CNKSR2: variants seen among roughly 807,000 people sequenced by gnomAD.
CNKSR2 encodes connector enhancer of kinase suppressor of Ras 2, also known as CNK homolog protein 2.
A neutral mutation model predicts 84.4 loss-of-function variants in CNKSR2; 14 were observed. That is an observed-to-expected ratio of 0.17 (90% CI 0.11 to 0.26). The LOEUF is 0.26. Ranked by LOEUF, CNKSR2 falls within the 10% of genes least tolerant of loss-of-function variation. The pLI is 1.00. For missense variants in CNKSR2, 485 were observed against 771.2 expected (o/e 0.63, Z 4.40); for synonymous variants, 275 against 277.9 (o/e 0.99, Z 0.10).
At position 21,654,287 on chromosome X, in the gene CNKSR2, A is replaced by AAAC. The variant is rs1555967969; in HGVS notation, c.*1768_*1769insCAA. 3.8e-5 allele frequency: 4 copies of AAAC among 106,418 alleles called. No homozygotes were observed. Among genetic ancestry groups the AAAC allele is most frequent in the African/African-American group, 1.4e-4 (4 of 29,192 alleles). The allele number at this position is 106,418 out of a possible 1,213,427, so 8.8% of individuals were successfully genotyped here. A position where few individuals can be genotyped will look rare whatever the true frequency, so the allele number is the denominator to read the frequency against. ...TTTGTATATGTAAAAAAAAAAAAAA[A>AAAC]AAAAAAACAAAAAACCTCTTGTCCT... On this transcript the variant is annotated 3_prime_UTR_variant, in exon 22 of 22. Coordinates refer to ENST00000379510, the MANE Select transcript of CNKSR2 (RefSeq NM_014927.5).
intron 8 of CNKSR2, chrX:21,505,366 A>G (rs1465067637): frequency 9.0e-6 from 1 of 111,533 alleles, no homozygotes; most frequent in Non-Finnish European, 1.9e-5. Flanking sequence ...TGAGGCTATA[A>G]AGGATACTGG....
At chrX:21,526,797 TG>T (rs2091839477) in intron 9 of CNKSR2, 69 bp from the exon 10 acceptor site, 5 of 768,410 alleles carry the variant, frequency 6.5e-6, no homozygotes, top group Non-Finnish European at 7.7e-6. Flanking sequence ...TTGTTGTTGT[TG>T]TTGTTGTTGT....
At position 21,407,558 on chromosome X, in the gene CNKSR2, GT is replaced by G. The variant is rs202224046; in HGVS notation, c.65-18934del. ...TCCTATTCAAGCAGAAATTTTGGTT[GT>G]TTTTCCCTCCTTCTTGGCAAGATTT... is the stretch of plus-strand genomic sequence containing the variant. On this transcript the variant is annotated intron_variant, in intron 1 of 21. Transcript: ENST00000379510. Among the ~76,000 whole-genome samples, 1,046 of 111,088 alleles carry G rather than the reference GT, an allele frequency of 9.4e-3. 11 individuals are homozygous for G. Among genetic ancestry groups the G allele is most frequent in the African/African-American group, 0.031 (962 of 30,685 alleles).
intron 1 of CNKSR2, among the ~76,000 whole-genome samples, chrX:21,394,030 C>T (rs1249982709): frequency 8.9e-6 from 1 of 112,037 alleles, no homozygotes; most frequent in East Asian, 2.8e-4. Flanking sequence ...AGGTTGTGGT[C>T]CATTCCACAT....
At chrX:21,477,703 A>C (rs886212278) in intron 5 of CNKSR2, among the ~76,000 whole-genome samples, 1 of 111,814 alleles carries the variant, frequency 8.9e-6, no homozygotes, top group African/African-American at 3.3e-5. Context: ...TGACATCTAC[A>C]TCATATCATT....
chrX:21,551,775 C>T (rs909634972), intron 11 of CNKSR2, among the ~76,000 whole-genome samples: 3 of 111,866 alleles, frequency 2.7e-5, no homozygotes, highest in African/African-American at 9.8e-5. Context: ...CTGAGAAACC[C>T]TGGCTAACTT....
intron 8 of CNKSR2, among the ~76,000 whole-genome samples, chrX:21,515,967 G>T (rs887832741): frequency 1.8e-5 from 2 of 111,524 alleles, no homozygotes; most frequent in East Asian, 5.7e-4. Flanking sequence ...TTGTCCATGC[G>T]TAAGAATGTT....
intron 11 of CNKSR2, among the ~76,000 whole-genome samples, chrX:21,559,579 C>T (rs1321132032): frequency 1.8e-5 from 2 of 111,075 alleles, no homozygotes; most frequent in Non-Finnish European, 3.8e-5. Flanking sequence ...GCATGTGCTC[C>T]CTGCAGGGGA....
chrX:21,508,490 G>A (rs866363882), intron 8 of CNKSR2, among the ~76,000 whole-genome samples: 1 of 112,212 alleles, frequency 8.9e-6, no homozygotes, highest in South Asian at 3.7e-4. Context: ...AAAGCTTTCA[G>A]ACCCATTCAG....
intron 11 of CNKSR2, among the ~76,000 whole-genome samples, chrX:21,548,869 C>T (rs1021875163): frequency 2.7e-5 from 3 of 112,192 alleles, no homozygotes; most frequent in Non-Finnish European, 5.6e-5. Context: ...TAAAATTCAG[C>T]ACCCCTTCAT....
chrX:21,540,609 T>C (rs1183257461), intron 11 of CNKSR2, among the ~76,000 whole-genome samples: 1 of 112,190 alleles, frequency 8.9e-6, no homozygotes, highest in African/African-American at 3.2e-5. Context: ...TTAGCACTTG[T>C]GTGATACCTT....
intron 3 of CNKSR2, among the ~76,000 whole-genome samples, chrX:21,434,175 A>C (rs2090673922): frequency 9.0e-6 from 1 of 111,080 alleles, no homozygotes; most frequent in African/African-American, 3.3e-5. Flanking sequence ...TATAATTATA[A>C]ATTTGCTCAG....
At position 21,409,228 on chromosome X, in the gene CNKSR2, T is replaced by TTATATATA. The variant is rs57301315; in HGVS notation, c.65-17225_65-17218dup. Among the ~76,000 whole-genome samples, 33 of 38,445 alleles carry TTATATATA rather than the reference T, an allele frequency of 8.6e-4. 1 individual carries two copies. Among genetic ancestry groups the TTATATATA allele is most frequent in the African/African-American group, 1.9e-3 (21 of 11,336 alleles). The allele number at this position is 38,445 out of a possible 115,157, so 33.4% of individuals were successfully genotyped here. ...AAACCTTACATAAAAAATGAAAAAA[T>TTATATATA]TATATATATATATATATATATATAT... On this transcript the variant is annotated intron_variant, in intron 1 of 21. Transcript: ENST00000379510.
intron 5 of CNKSR2, among the ~76,000 whole-genome samples, chrX:21,475,107 A>C (rs1356680993): frequency 8.9e-6 from 1 of 112,209 alleles, no homozygotes; most frequent in Admixed American, 9.4e-5. Context: ...ACAATGAATT[A>C]GATCTACTAC....
At chrX:21,417,856 T>C (rs757036867) in intron 1 of CNKSR2, among the ~76,000 whole-genome samples, 16 of 111,642 alleles carry the variant, frequency 1.4e-4, no homozygotes, top group Non-Finnish European at 9.4e-5. Context: ...TTTAAATTTA[T>C]GCAGCCACTC....
chrX:21,578,749 G>A (rs2092335895), intron 13 of CNKSR2, among the ~76,000 whole-genome samples: 1 of 111,565 alleles, frequency 9.0e-6, no homozygotes, highest in Non-Finnish European at 1.9e-5. Context: ...GCATTAATGA[G>A]TATATCCATT....
intron 4 of CNKSR2, among the ~76,000 whole-genome samples, chrX:21,468,440 A>T (rs913638061): frequency 9.0e-6 from 1 of 110,780 alleles, no homozygotes; most frequent in African/African-American, 3.3e-5. Flanking sequence ...GACTAGGGGG[A>T]ATCTCTTCAT....
chrX:21,462,927 C>T (rs907130150), intron 4 of CNKSR2, among the ~76,000 whole-genome samples: 4 of 109,893 alleles, frequency 3.6e-5, no homozygotes, highest in East Asian at 2.9e-4. Flanking sequence ...AGGATGGTCT[C>T]GATCTCCTGA....
chrX:21,473,745 G>GTTTTTTTTTTTTTCTTTTTT (rs2091226394), intron 5 of CNKSR2, among the ~76,000 whole-genome samples: 1 of 67,231 alleles, frequency 1.5e-5, no homozygotes, highest in African/African-American at 1.0e-4. Context: ...TGTTGGTTTG[G>GTTTTTTTTTTTTTCTTTTTT]TTTTTTTTTT....
Sources: gnomAD v4.1 joint callset for allele counts (sites outside exome capture counted in the v4.1 genomes callset) on GRCh38, gnomAD v4.1.1 for gene constraint, MANE v1.5 for transcripts, NCBI Gene and HGNC (gene_info 2026-07-23, HGNC 2026-07-21) for gene names.